Variants in B3GALT1 observed in about 807,000 individuals in gnomAD.
B3GALT1 encodes beta-1,3-galactosyltransferase 1.
B3GALT1 carries 10 observed loss-of-function variants against 23.2 expected under a neutral mutation model. The ratio of observed to expected loss-of-function variants is 0.43; its 90% CI spans 0.27 to 0.73. The LOEUF is 0.73. Among genes scored for constraint, B3GALT1 ranks in the 30% least tolerant of loss-of-function variants. B3GALT1 has a pLI of 0.21. For synonymous variants in B3GALT1, 156 were observed against 141.5 expected (o/e 1.10, Z -0.73); for missense variants, 299 against 405.4 (o/e 0.74, Z 2.25).
At chr2:167,548,794 C>T (rs76328358) in intron 2 of B3GALT1, among the ~76,000 whole-genome samples, 2,235 of 152,094 alleles carry the variant, frequency 0.015, 48 homozygotes, top group African/African-American at 0.051. Flanking sequence ...TTTTCTGTCT[C>T]ATGCAGACAA....
At chr2:167,325,217 T>G (rs1696874739) in intron 1 of B3GALT1, among the ~76,000 whole-genome samples, 1 of 152,112 alleles carries the variant, frequency 6.6e-6, no homozygotes, top group Admixed American at 6.5e-5. Context: ...TTTTGTTTTT[T>G]GGATAAATAT....
At chr2:167,641,451 A>G (rs575863785) in intron 2 of B3GALT1, among the ~76,000 whole-genome samples, 1 of 152,328 alleles carries the variant, frequency 6.6e-6, no homozygotes, top group South Asian at 2.1e-4. Flanking sequence ...TCTCATCTCT[A>G]AAACTGTGAC....
chr2:167,403,270 G>T (rs1289156225), intron 1 of B3GALT1, among the ~76,000 whole-genome samples: 1 of 19,440 alleles, frequency 5.1e-5, no homozygotes, highest in Non-Finnish European at 8.4e-4. Flanking sequence ...AGAACTTGCG[G>T]TGTTTGGTTT....
At chr2:167,535,258 C>G (rs553883630) in intron 2 of B3GALT1, among the ~76,000 whole-genome samples, 21 of 152,128 alleles carry the variant, frequency 1.4e-4, no homozygotes, top group Admixed American at 1.0e-3. Flanking sequence ...TGCAATAAGG[C>G]TGAGCATGGC....
Position 167,869,116 on chromosome 2 carries a change from C to G in B3GALT1, c.77C>G (p.Thr26Ser). 1 of 1,614,162 alleles carries G rather than the reference C, an allele frequency of 6.2e-7. No homozygotes were observed. The highest frequency in any genetic ancestry group is 8.5e-7 in the Non-Finnish European group (1 of 1,180,028). Reference sequence around the variant, plus strand: ...AGCGCTCTCTGGTACTTGAGTATAACTCGCCCTACTTCTTCTTACACTGGC... The same window carrying G: ...AGCGCTCTCTGGTACTTGAGTATAAGTCGCCCTACTTCTTCTTACACTGGC... ...WASALWYLSI[T>S]RPTSSYTGSK... is the part of the protein sequence containing the mutation. The change falls in exon 5 of 5, where the codon ACT becomes AGT. Residue 26 changes from threonine (T) to serine (S), a missense_variant. Physicochemically the swap from Thr to Ser is moderately conservative, Grantham distance 58. This residue lies in a region of B3GALT1 where 162 missense variants were observed against 184.1 expected (regional missense o/e 0.88). Transcript: ENST00000392690. The surrounding 1 kb of genome is among the most constrained non-coding windows in gnomAD (Gnocchi z 6.4).
At chr2:167,542,073 T>C (rs1574127430) in intron 2 of B3GALT1, among the ~76,000 whole-genome samples, 2 of 152,248 alleles carry the variant, frequency 1.3e-5, no homozygotes, top group East Asian at 1.9e-4. Context: ...TTATTACATG[T>C]GTAAATAAAT....
intron 1 of B3GALT1, among the ~76,000 whole-genome samples, chr2:167,441,381 G>C (rs2105313143): frequency 6.6e-6 from 1 of 152,196 alleles, no homozygotes; most frequent in South Asian, 2.1e-4. Flanking sequence ...TTTATTAATG[G>C]GCCCACTGAT....
intron 3 of B3GALT1, among the ~76,000 whole-genome samples, chr2:167,788,605 C>T (rs575563662): frequency 8.5e-4 from 129 of 152,124 alleles, no homozygotes; most frequent in African/African-American, 2.5e-3. Flanking sequence ...GGTGGTAATG[C>T]GAGCGATGAG....
In B3GALT1 at chr2:167,872,052, C is replaced by T. The variant is rs1690360435; in HGVS notation, c.*2032C>T. 1 of 151,208 alleles carries T rather than the reference C, an allele frequency of 6.6e-6. No individual in the cohort carries two copies. Among genetic ancestry groups the T allele is most frequent in the Non-Finnish European group, 1.5e-5 (1 of 67,752 alleles). The allele number at this position is 151,208 out of a possible 1,614,324, so 9.4% of individuals were successfully genotyped here. Reference sequence around the variant, plus strand: ...GAGTAGCTGGGACTACAGGCGCCCGCCATCACGCCCGGCTAATTTTTTTGT... The same window carrying T: ...GAGTAGCTGGGACTACAGGCGCCCGTCATCACGCCCGGCTAATTTTTTTGT... On this transcript the variant is annotated 3_prime_UTR_variant, in exon 5 of 5. Transcript: ENST00000392690.
At position 167,649,427 on chromosome 2, in the gene B3GALT1, G is replaced by T. The variant is rs182103118; in HGVS notation, c.-352+2461G>T. 2.9e-3 allele frequency among the ~76,000 whole-genome samples: 436 copies of T among 152,070 alleles called. 1 individual carries two copies. Among genetic ancestry groups the T allele is most frequent in the Non-Finnish European group, 5.0e-3 (338 of 67,938 alleles). ...TTAAAATATTTTTGTCACCCCCAAA[G>T]GAAACCCAGTATCCATTAAATAGTC... On this transcript the variant is annotated intron_variant, in intron 3 of 4. Coordinates refer to ENST00000392690, the MANE Select transcript of B3GALT1 (RefSeq NM_020981.4).
intron 2 of B3GALT1, among the ~76,000 whole-genome samples, chr2:167,638,729 G>T (rs557241680): frequency 6.6e-6 from 1 of 151,980 alleles, no homozygotes; most frequent in African/African-American, 2.4e-5. Context: ...AAAAGAGGGG[G>T]TTAGGCTATA....
At chr2:167,436,046 C>T (rs537592094) in intron 1 of B3GALT1, among the ~76,000 whole-genome samples, 1 of 151,938 alleles carries the variant, frequency 6.6e-6, no homozygotes, top group Non-Finnish European at 1.5e-5. Context: ...TGCAGTCGAC[C>T]TGAACTAATC....
chr2:167,442,625 G>A (rs1229957285), intron 1 of B3GALT1, among the ~76,000 whole-genome samples: 2 of 151,330 alleles, frequency 1.3e-5, no homozygotes, highest in African/African-American at 2.5e-5. Flanking sequence ...TTCTCTGATG[G>A]CCAGTGATGG....
intron 3 of B3GALT1, among the ~76,000 whole-genome samples, chr2:167,800,934 C>A (rs1045980414): frequency 3.3e-5 from 5 of 152,104 alleles, no homozygotes; most frequent in Admixed American, 3.3e-4. Flanking sequence ...GTCTAAACAC[C>A]CATGTTTGGA....
At chr2:167,309,355 A>C (rs1291527660) in intron 1 of B3GALT1, among the ~76,000 whole-genome samples, 1 of 152,102 alleles carries the variant, frequency 6.6e-6, no homozygotes, top group South Asian at 2.1e-4. Flanking sequence ...GCAAGAGTTG[A>C]GAATTTCTGA....
intron 2 of B3GALT1, among the ~76,000 whole-genome samples, chr2:167,616,319 T>G (rs1685161014): frequency 6.6e-6 from 1 of 152,048 alleles, no homozygotes. Flanking sequence ...ATCACATACT[T>G]TGACCCAGTA....
Position 167,609,854 on chromosome 2 carries a change from TAA to T in B3GALT1, c.-409-37054_-409-37053del, listed in dbSNP as rs1430778044. ...AACCACCATGTTTACCACAATGGTGTAAGTGCAAGCAGGAAGAGAATAAAGAA... is the reference window on the plus strand; with the variant it reads ...AACCACCATGTTTACCACAATGGTGTGTGCAAGCAGGAAGAGAATAAAGAA... On this transcript the variant is annotated intron_variant, in intron 2 of 4. Coordinates refer to ENST00000392690, the MANE Select transcript of B3GALT1 (RefSeq NM_020981.4). Among the ~76,000 whole-genome samples, 4 of 152,046 alleles carry T rather than the reference TAA, an allele frequency of 2.6e-5. No individual in the cohort carries two copies. The East Asian group carries it at 7.8e-4, about 30-fold the overall frequency.
intron 3 of B3GALT1, among the ~76,000 whole-genome samples, chr2:167,651,877 C>T (rs1282776502): frequency 1.3e-5 from 2 of 152,134 alleles, no homozygotes; most frequent in Admixed American, 6.6e-5. Context: ...TGACACCTTA[C>T]AAAGGGGAAT....
intron 1 of B3GALT1, among the ~76,000 whole-genome samples, chr2:167,381,425 A>G (rs1697847093): frequency 6.6e-6 from 1 of 152,170 alleles, no homozygotes; most frequent in African/African-American, 2.4e-5. Context: ...AAATATCAAA[A>G]CCAGTAATTT....
Sources: allele counts gnomAD v4.1 joint callset (sites outside exome capture counted in the v4.1 genomes callset), GRCh38; gene constraint gnomAD v4.1.1; regional missense constraint gnomAD v4.1.1; non-coding constraint Gnocchi (gnomAD v3.1); transcripts MANE v1.5; gene names NCBI Gene and HGNC (gene_info 2026-07-23, HGNC 2026-07-21).